GNAT3: variants seen among roughly 807,000 people sequenced by gnomAD.
The protein encoded by GNAT3 is guanine nucleotide-binding protein G(t) subunit alpha-3.
A neutral mutation model predicts 37.7 loss-of-function variants in GNAT3; 31 were observed. That is an observed-to-expected ratio of 0.82 (90% CI 0.62 to 1.11). GNAT3 has a LOEUF of 1.11. Ranked by LOEUF, GNAT3 falls within the 50% of genes most tolerant of loss-of-function variation. The probability of loss-of-function intolerance (pLI) is 0.00; values close to 1 mark genes in which losing one functional copy is unlikely to be tolerated. For missense variants in GNAT3, 437 were observed against 412.5 expected, an observed-to-expected ratio of 1.06 and a Z score of -0.51; for synonymous variants, 138 against 139.8, an observed-to-expected ratio of 0.99 and a Z score of 0.09.
At chr7:80,489,942 T>C (rs1584186388) in intron 2 of GNAT3, among the ~76,000 whole-genome samples, 1 of 152,128 alleles carries the variant, frequency 6.6e-6, no homozygotes, top group East Asian at 1.9e-4. Flanking sequence ...TGAAGAAACA[T>C]TTATCACAAA....
chr7:80,494,534 T>A (rs75962166), intron 2 of GNAT3, 71 bp downstream of exon 2: 38,046 of 808,074 alleles, frequency 0.047, 1,208 homozygotes, highest in Non-Finnish European at 0.062. Flanking sequence ...TACAAAAGCA[T>A]GTATTTTAAG....
At chr7:80,497,621 CGT>C (rs1755601424) in intron 1 of GNAT3, among the ~76,000 whole-genome samples, 1 of 114,686 alleles carries the variant, frequency 8.7e-6, no homozygotes. Context: ...TATACATATA[CGT>C]ATATACATAT....
intron 1 of GNAT3, among the ~76,000 whole-genome samples, chr7:80,506,992 GT>G (rs1385112896): frequency 1.3e-5 from 2 of 151,882 alleles, no homozygotes; most frequent in Non-Finnish European, 2.9e-5. Flanking sequence ...AAATAAAAAG[GT>G]ACTATAGTTG....
At chr7:80,474,713 G>A (rs138859739) in intron 4 of GNAT3, among the ~76,000 whole-genome samples, 206 of 152,180 alleles carry the variant, frequency 1.4e-3, no homozygotes, top group African/African-American at 4.6e-3. Flanking sequence ...GCCTTAACCT[G>A]TATTTTATGT....
chr7:80,488,705 G>A (rs1420734479), intron 2 of GNAT3, 29 bp from the exon 3 acceptor site: 1 of 1,513,004 alleles, frequency 6.6e-7, no homozygotes. Context: ...AAGTTTCTGT[G>A]AGTTGAATAA....
chr7:80,483,793 A>G (rs1790431340), intron 3 of GNAT3, among the ~76,000 whole-genome samples: 3 of 151,946 alleles, frequency 2.0e-5, no homozygotes, highest in Non-Finnish European at 4.4e-5. Context: ...CACCTCCTCA[A>G]TGAAGCCTTC....
At chr7:80,496,565 T>A (rs1790720713) in intron 1 of GNAT3, among the ~76,000 whole-genome samples, 2 of 152,232 alleles carry the variant, frequency 1.3e-5, no homozygotes, top group African/African-American at 4.8e-5. Context: ...CATATATTAT[T>A]TAAAAATGTT....
At chr7:80,477,060 T>C (rs1470424498) in intron 4 of GNAT3, among the ~76,000 whole-genome samples, 1 of 152,070 alleles carries the variant, frequency 6.6e-6, no homozygotes, top group Non-Finnish European at 1.5e-5. Context: ...GATGAACAGA[T>C]TTAAAATTTT....
chr7:80,465,666 A>T (rs1375861798), intron 5 of GNAT3, among the ~76,000 whole-genome samples: 1 of 152,028 alleles, frequency 6.6e-6, no homozygotes, highest in Non-Finnish European at 1.5e-5. Flanking sequence ...TCAAACCTTC[A>T]CTAGTGGACA....
At position 80,493,606 on chromosome 7, in the gene GNAT3, TC is replaced by T. The variant is rs141152610; in HGVS notation, c.161+998del. ...TCCTCCTCTTCATCCTCCTCTTTCC[TC>T]CTCCTCCTCTTTCCTCTTCCTCCTC... is the stretch of plus-strand genomic sequence containing the variant. On this transcript the variant is annotated intron_variant, in intron 2 of 7. Transcript: ENST00000398291. Among the ~76,000 whole-genome samples, 399 of 117,442 alleles carry T rather than the reference TC, an allele frequency of 3.4e-3. 13 individuals carry two copies. The highest frequency in any genetic ancestry group is 0.015 in the African/African-American group (378 of 25,154). The allele number at this position is 117,442 out of a possible 152,430, so 77.0% of individuals were successfully genotyped here.
At chr7:80,464,957 A>G (rs1034473139) in intron 5 of GNAT3, among the ~76,000 whole-genome samples, 3 of 152,120 alleles carry the variant, frequency 2.0e-5, no homozygotes, top group Non-Finnish European at 4.4e-5. Context: ...AAAGAATATT[A>G]TATGTGCTAC....
At chr7:80,485,633 T>C (rs1475233762) in intron 3 of GNAT3, among the ~76,000 whole-genome samples, 5 of 152,108 alleles carry the variant, frequency 3.3e-5, no homozygotes, top group Non-Finnish European at 5.9e-5. Flanking sequence ...ATCCCCGGTG[T>C]CCAACTAAAT....
intron 1 of GNAT3, among the ~76,000 whole-genome samples, chr7:80,504,091 A>G (rs1257049651): frequency 6.6e-6 from 1 of 152,168 alleles, no homozygotes; most frequent in African/African-American, 2.4e-5. Flanking sequence ...CGAGACAGGC[A>G]GATCGCTTGA....
intron 1 of GNAT3, among the ~76,000 whole-genome samples, chr7:80,501,207 A>G (rs976790312): frequency 6.6e-6 from 1 of 151,994 alleles, no homozygotes; most frequent in Non-Finnish European, 1.5e-5. Context: ...TTTTATTTTG[A>G]TAATTAATTT....
intron 1 of GNAT3, among the ~76,000 whole-genome samples, chr7:80,495,337 A>T (rs950593693): frequency 6.6e-6 from 1 of 152,110 alleles, no homozygotes; most frequent in Non-Finnish European, 1.5e-5. Flanking sequence ...ACTGATTTAC[A>T]TGCCACCAAC....
intron 1 of GNAT3, among the ~76,000 whole-genome samples, chr7:80,497,599 T>TAC (rs55772109): frequency 1.7e-5 from 2 of 119,920 alleles, no homozygotes; most frequent in African/African-American, 9.1e-5. Flanking sequence ...TATACGTATA[T>TAC]ACATATACGT....
chr7:80,512,023 C>G lies in GNAT3; in HGVS notation c.-97G>C. ...CATAGGAGGCAAGAGTAATGCTCTG[C>G]TGAAGTACCTAGCAGTCCATTCCCT... On this transcript the variant is annotated 5_prime_UTR_variant, in exon 1 of 8. Coordinates refer to ENST00000398291, the MANE Select transcript of GNAT3 (RefSeq NM_001102386.3). The G allele has an allele frequency of 1.3e-6, 1 of 761,464 alleles. No homozygotes were observed. The highest frequency in any genetic ancestry group is 2.2e-6 in the Non-Finnish European group (1 of 445,432). 47.2% of individuals were successfully genotyped at this position (761,464 alleles called of 1,614,324 possible).
chr7:80,497,229 A>T (rs1375646646), intron 1 of GNAT3, among the ~76,000 whole-genome samples: 3 of 152,160 alleles, frequency 2.0e-5, no homozygotes, highest in Non-Finnish European at 2.9e-5. Context: ...ATAAAATAAA[A>T]TCATCTTGCC....
At chr7:80,504,460 A>G (rs1319246149) in intron 1 of GNAT3, among the ~76,000 whole-genome samples, 2 of 152,236 alleles carry the variant, frequency 1.3e-5, no homozygotes, top group African/African-American at 4.8e-5. Flanking sequence ...ATAAGAAAAT[A>G]GAAGCAGTGA....
Sources: allele counts gnomAD v4.1 joint callset (sites outside exome capture counted in the v4.1 genomes callset), GRCh38; gene constraint gnomAD v4.1.1; transcripts MANE v1.5; gene names NCBI Gene and HGNC (gene_info 2026-07-23, HGNC 2026-07-21).